ARHGEF11: variants seen among roughly 807,000 people sequenced by gnomAD.
ARHGEF11 encodes Rho guanine nucleotide exchange factor 11, also known as Rho guanine exchange factor (GEF) 11.
A neutral mutation model predicts 193.7 loss-of-function variants in ARHGEF11; 55 were observed. That is an observed-to-expected ratio of 0.28 (90% CI 0.23 to 0.36). The LOEUF is 0.36. ARHGEF11 is among the 10% of genes least tolerant of loss of function. The pLI, the probability that ARHGEF11 is intolerant of heterozygous loss-of-function variation, is 1.00. For missense variants in ARHGEF11, 1,723 were observed against 2,005.6 expected, an observed-to-expected ratio of 0.86 and a Z score of 2.69; for synonymous variants, 693 against 768.0, an observed-to-expected ratio of 0.90 and a Z score of 1.62.
intron 21 of ARHGEF11, among the ~76,000 whole-genome samples, chr1:156,954,208 C>G (rs1482400647): frequency 2.6e-5 from 4 of 151,832 alleles, no homozygotes; most frequent in African/African-American, 9.7e-5. Flanking sequence ...GGTGAAACCC[C>G]ATCTCTACTA....
chr1:157,008,052 C>G (rs1044965268), intron 1 of ARHGEF11, among the ~76,000 whole-genome samples: 1 of 151,980 alleles, frequency 6.6e-6, no homozygotes, highest in African/African-American at 2.4e-5. Context: ...CTATTTAAAC[C>G]TAGCCCTATT....
intron 32 of ARHGEF11, 90 bp from the exon 33 acceptor site, chr1:156,942,870 G>T: frequency 9.4e-7 from 1 of 1,067,072 alleles, no homozygotes; most frequent in Non-Finnish European, 1.4e-6. Flanking sequence ...GGGACTCAAA[G>T]CCCTGACCCT....
intron 1 of ARHGEF11, among the ~76,000 whole-genome samples, chr1:156,991,707 C>CTTTTTT (rs1208007433): frequency 5.6e-5 from 6 of 107,518 alleles, no homozygotes; most frequent in Non-Finnish European, 7.4e-5. Flanking sequence ...TTTTTTCAAG[C>CTTTTTT]TTATTTTTTT....
Position 156,943,941 on chromosome 1 carries a change from C to A in ARHGEF11, c.3229G>T (p.Ala1077Ser). The change falls in exon 32 of 41, where the codon GCC (alanine) becomes TCC (serine). Residue 1077 changes from alanine (A) to serine (S), a missense_variant. By Grantham distance (99) the Ala-to-Ser change is moderately conservative. Coordinates refer to ENST00000368194, the MANE Select transcript of ARHGEF11 (RefSeq NM_198236.3). ...GGACCATCTCCCCAGGTACCTGTGG[C>A]CACAGAGCGGATGAGCACAGCATTG... The part of the protein sequence containing the change: ...KLNAVLIRSV[A>S]TDKRAFFIIC... The A allele has an allele frequency of 6.2e-7, 1 of 1,611,190 alleles. No homozygotes were observed. The highest frequency in any genetic ancestry group is 8.5e-7 in the Non-Finnish European group (1 of 1,178,160).
At chr1:157,036,395 C>G (rs1672052696) in intron 1 of ARHGEF11, among the ~76,000 whole-genome samples, 3 of 151,802 alleles carry the variant, frequency 2.0e-5, no homozygotes, top group Admixed American at 2.0e-4. Flanking sequence ...GATCTCAGCT[C>G]CCTGCAACCT....
At chr1:156,986,369 G>A (rs1664921148) in intron 1 of ARHGEF11, among the ~76,000 whole-genome samples, 196 bp from the exon 2 acceptor site, 1 of 152,098 alleles carries the variant, frequency 6.6e-6, no homozygotes, top group South Asian at 2.1e-4. Context: ...ATCCTGGGCT[G>A]GCAGGGCAAG....
At chr1:157,013,297 A>ACACACACC (rs1203026868) in intron 1 of ARHGEF11, among the ~76,000 whole-genome samples, 1 of 150,194 alleles carries the variant, frequency 6.7e-6, no homozygotes, top group African/African-American at 2.5e-5. Flanking sequence ...ACACACACAC[A>ACACACACC]CACCAAGAAC....
chr1:157,011,258 G>A (rs1050764904), intron 1 of ARHGEF11, among the ~76,000 whole-genome samples: 3 of 152,136 alleles, frequency 2.0e-5, no homozygotes, highest in African/African-American at 7.2e-5. Context: ...TCAATAAATG[G>A]TGCTAAGACA....
At chr1:156,946,882 A>C (rs1571187311) in intron 27 of ARHGEF11, 54 bp downstream of exon 27, 2 of 1,613,018 alleles carry the variant, frequency 1.2e-6, no homozygotes, top group Non-Finnish European at 1.7e-6. Flanking sequence ...GGGTAATGAG[A>C]CCCTGCCTCC....
Position 157,044,758 on chromosome 1 carries a change from G to A in ARHGEF11, c.-428C>T. On this transcript the variant is annotated 5_prime_UTR_variant, in exon 1 of 41. Transcript: ENST00000368194. ...CCATCCTTTAAATCCAGCTTTCTCA[G>A]CTGTCCTTCTGTTGGCAAGAGACCC... 2.6e-6 allele frequency: 1 copy of A among 381,320 alleles called. No homozygotes were observed. Among genetic ancestry groups the A allele is most frequent in the Admixed American group, 4.4e-5 (1 of 22,474 alleles). The allele number at this position is 381,320 out of a possible 1,614,324, so 23.6% of individuals were successfully genotyped here. A position where few individuals can be genotyped will look rare whatever the true frequency, so the allele number is the denominator to read the frequency against.
At chr1:156,960,590 T>G in intron 14 of ARHGEF11, 130 bp from the exon 15 acceptor site, 2 of 748,480 alleles carry the variant, frequency 2.7e-6, no homozygotes, top group South Asian at 1.7e-5. Context: ...CTACCATCCT[T>G]CTCATCACTC....
At chr1:156,939,447 G>A (rs1435498571) in intron 37 of ARHGEF11, 101 bp downstream of exon 37, 1 of 1,537,428 alleles carries the variant, frequency 6.5e-7, no homozygotes, top group South Asian at 1.1e-5. Context: ...CTGCTCACAC[G>A]GTACCCAGGG....
Position 156,938,439 on chromosome 1 carries a change from C to G in ARHGEF11, c.4171G>C (p.Glu1391Gln). ...GQSEPGPPEVEGGTKATGNCF... is the reference protein window; with the variant it reads ...GQSEPGPPEVQGGTKATGNCF... ...TTACCCGTAGCCTTTGTTCCGCCTT[C>G]CACTTCAGGTGGCCCAGGCTCTGAC... is the stretch of plus-strand genomic sequence containing the variant. The change falls in exon 38 of 41, where the codon GAA becomes CAA. Residue 1391 changes from glutamate (E) to glutamine (Q), a missense_variant. By Grantham distance (29) the Glu-to-Gln change is conservative (BLOSUM62 2). Coordinates refer to ENST00000368194, the MANE Select transcript of ARHGEF11 (RefSeq NM_198236.3). 6.2e-7 allele frequency: 1 copy of G among 1,613,846 alleles called. No homozygotes were observed. Among genetic ancestry groups the G allele is most frequent in the Non-Finnish European group, 8.5e-7 (1 of 1,179,822 alleles).
rs759648906 is a variant in ARHGEF11 at position 156,971,716 on chromosome 1, T to C, written c.683A>G (p.Gln228Arg). ...ACTCACCACTGAGCCACCAGTCTCCTGCTGGATCTTCAGCTGTAACTGAGT... is the reference window on the plus strand; with the variant it reads ...ACTCACCACTGAGCCACCAGTCTCCCGCTGGATCTTCAGCTGTAACTGAGT... ...RVTQLQLKIQ[Q>R]ETGGSVDILP... Residue 228 changes from glutamine to arginine, a missense_variant, in exon 8 of 41, where the codon CAG (glutamine) becomes CGG (arginine). Gln to Arg is a conservative substitution (Grantham distance 43, BLOSUM62 1). Around this residue, in one of 5 missense-constraint regions of ARHGEF11, gnomAD observed 646 missense variants for 710.7 expected, o/e 0.91. Coordinates refer to ENST00000368194, the MANE Select transcript of ARHGEF11 (RefSeq NM_198236.3). 5.0e-6 allele frequency: 8 copies of C among 1,614,004 alleles called. No homozygotes were observed. The South Asian group carries it at 7.7e-5, about 16-fold the overall frequency.
chr1:156,963,890 G>A, intron 11 of ARHGEF11: 1 of 630,910 alleles, frequency 1.6e-6, no homozygotes. Flanking sequence ...GATCTGGGGT[G>A]GGACTGTCAG....
chr1:156,945,679 C>A, intron 29 of ARHGEF11: 1 of 256,302 alleles, frequency 3.9e-6, no homozygotes, highest in Non-Finnish European at 7.6e-6. Context: ...ACCACATAGG[C>A]TGTGTCTTTT....
At chr1:157,023,592 C>T (rs1670257781) in intron 1 of ARHGEF11, among the ~76,000 whole-genome samples, 1 of 152,006 alleles carries the variant, frequency 6.6e-6, no homozygotes, top group South Asian at 2.1e-4. Flanking sequence ...ATGGTGAAAC[C>T]CCATCTCTAC....
intron 11 of ARHGEF11, among the ~76,000 whole-genome samples, chr1:156,964,646 T>C (rs1162234804): frequency 2.0e-5 from 3 of 152,178 alleles, no homozygotes; most frequent in African/African-American, 7.2e-5. Context: ...AGAAGGTATC[T>C]CAGACACTAG....
rs1313434134 is a variant in ARHGEF11 at position 157,045,694 on chromosome 1, G to A, written c.-1364C>T. On this transcript the variant is annotated 5_prime_UTR_variant, in exon 1 of 41. Coordinates refer to ENST00000368194, the MANE Select transcript of ARHGEF11 (RefSeq NM_198236.3). ...CTCGGGACGCCAGGCTCGGCGCACA[G>A]GGAAGGCTGCGGCGGCTGCGGCAGG... 2.7e-5 allele frequency among the ~76,000 whole-genome samples: 4 copies of A among 150,494 alleles called. No individual in the cohort carries two copies. Among genetic ancestry groups the A allele is most frequent in the East Asian group, 2.0e-4 (1 of 5,108 alleles).
Sources: allele counts gnomAD v4.1 joint callset (sites outside exome capture counted in the v4.1 genomes callset), GRCh38; gene constraint gnomAD v4.1.1; regional missense constraint gnomAD v4.1.1; transcripts MANE v1.5; gene names NCBI Gene and HGNC (gene_info 2026-07-23, HGNC 2026-07-21).